WDPCP: variants seen among roughly 807,000 people sequenced by gnomAD.
WDPCP encodes WD repeat containing planar cell polarity effector.
A neutral mutation model predicts 93.1 loss-of-function variants in WDPCP; 71 were observed. The ratio of observed to expected loss-of-function variants is 0.76; its 90% CI spans 0.63 to 0.93. The LOEUF (loss-of-function observed/expected upper bound fraction) is 0.93, where lower values mean the gene tolerates loss of function less well. Ranked by LOEUF, WDPCP falls within the 40% of genes least tolerant of loss-of-function variation. The pLI is 0.00. For missense variants in WDPCP, 844 were observed against 887.4 expected (o/e 0.95, Z 0.62); for synonymous variants, 315 against 315.0 (o/e 1.00, Z 0.00).
intron 12 of WDPCP, among the ~76,000 whole-genome samples, chr2:63,336,151 C>T (rs1198288068): frequency 1.3e-5 from 2 of 152,144 alleles, no homozygotes; most frequent in Non-Finnish European, 2.9e-5. Context: ...TTTAAATAAA[C>T]TTGCTTTTAC....
At chr2:63,606,770 G>T in intron 3 of WDPCP, 2 of 852,882 alleles carry the variant, frequency 2.3e-6, no homozygotes, top group Non-Finnish European at 1.7e-6. Flanking sequence ...ACTTTAAAAC[G>T]ATATACCTCT....
rs966108623 is a variant in WDPCP at position 63,506,440 on chromosome 2, GA to G, written c.76-13501del. Reference sequence around the variant, plus strand: ...AAACTCTCACAAAAATGATAAAGGAGAAAAAAAAAAGGCAAAGGAACTAGTG... The same window carrying G: ...AAACTCTCACAAAAATGATAAAGGAGAAAAAAAAAGGCAAAGGAACTAGTG... On this transcript the variant is annotated intron_variant, in intron 1 of 17. Coordinates refer to ENST00000272321, the MANE Select transcript of WDPCP (RefSeq NM_015910.7). Among the ~76,000 whole-genome samples, 121 of 142,030 alleles carry G rather than the reference GA, an allele frequency of 8.5e-4. 1 individual carries two copies. Among genetic ancestry groups the G allele is most frequent in the South Asian group, 4.0e-3 (18 of 4,458 alleles). 93.2% of individuals were successfully genotyped at this position (142,030 alleles called of 152,430 possible). A position where few individuals can be genotyped will look rare whatever the true frequency, so the allele number is the denominator to read the frequency against.
intron 1 of WDPCP, among the ~76,000 whole-genome samples, chr2:63,540,839 A>G (rs990798296): frequency 2.0e-5 from 3 of 151,328 alleles, no homozygotes; most frequent in Non-Finnish European, 4.4e-5. Context: ...CTGCAGCCAC[A>G]ACTTCTCAGG....
At chr2:63,176,628 G>A (rs1402350432) in intron 14 of WDPCP, among the ~76,000 whole-genome samples, 1 of 152,106 alleles carries the variant, frequency 6.6e-6, no homozygotes, top group Admixed American at 6.6e-5. Flanking sequence ...TAGGAGCTCT[G>A]TATGTAGTCT....
chr2:63,404,708 A>G (rs1575345129), intron 9 of WDPCP, 51 bp from the exon 10 acceptor site: 3 of 1,605,850 alleles, frequency 1.9e-6, no homozygotes, highest in Admixed American at 1.7e-5. Flanking sequence ...TTTTTCTTCA[A>G]CTTCACACCT....
At chr2:63,430,552 A>G (rs1440275250) in intron 9 of WDPCP, among the ~76,000 whole-genome samples, 2 of 152,158 alleles carry the variant, frequency 1.3e-5, no homozygotes, top group Non-Finnish European at 1.5e-5. Flanking sequence ...TTTTTCTTAG[A>G]CTACATAATT....
At chr2:63,630,347 G>C (rs536133836) in intron 3 of WDPCP, among the ~76,000 whole-genome samples, 1 of 151,870 alleles carries the variant, frequency 6.6e-6, no homozygotes, top group East Asian at 1.9e-4. Flanking sequence ...ATTGAAAGAA[G>C]GGATTTAAAA....
chr2:63,745,114 T>C (rs1421673412), intron 2 of WDPCP, among the ~76,000 whole-genome samples: 2 of 151,672 alleles, frequency 1.3e-5, no homozygotes, highest in Non-Finnish European at 1.5e-5. Flanking sequence ...ACAAGGTATA[T>C]ATTTATGTTA....
In WDPCP at chr2:63,566,346, A is replaced by G. The variant is rs1707054055; in HGVS notation, c.75+21851T>C. 1.3e-5 allele frequency among the ~76,000 whole-genome samples: 2 copies of G among 152,162 alleles called. 1 individual carries two copies. Among genetic ancestry groups the G allele is most frequent in the South Asian group, 4.1e-4 (2 of 4,824 alleles). ...GAATGTAACCATTTGTGTCTCACCT[A>G]TCTGTGACCTGGAAGCTCTCCCCAC... On this transcript the variant is annotated intron_variant, in intron 1 of 17. Coordinates refer to ENST00000272321, the MANE Select transcript of WDPCP (RefSeq NM_015910.7).
intron 8 of WDPCP, among the ~76,000 whole-genome samples, chr2:63,436,192 G>A (rs887280164): frequency 3.9e-5 from 6 of 152,034 alleles, no homozygotes; most frequent in Non-Finnish European, 8.8e-5. Flanking sequence ...TCTGAAGTTA[G>A]CCATTCTAGA....
chr2:63,478,322 C>T (rs550935363), intron 6 of WDPCP, among the ~76,000 whole-genome samples: 5 of 152,012 alleles, frequency 3.3e-5, no homozygotes, highest in Admixed American at 2.6e-4. Context: ...TTAAGCTATA[C>T]CCTAGAAAAA....
intron 14 of WDPCP, among the ~76,000 whole-genome samples, chr2:63,190,029 G>A (rs1046294703): frequency 3.3e-5 from 5 of 152,050 alleles, no homozygotes; most frequent in African/African-American, 4.8e-5. Flanking sequence ...CTGATTGGGG[G>A]ATATAAAGAT....
At chr2:63,719,449 G>T (rs1452568680) in intron 2 of WDPCP, among the ~76,000 whole-genome samples, 4 of 152,146 alleles carry the variant, frequency 2.6e-5, no homozygotes, top group Non-Finnish European at 5.9e-5. Context: ...AAAAGAGGCT[G>T]GTAGAGAAAG....
chr2:63,769,326 A>G (rs1035392929), intron 2 of WDPCP, among the ~76,000 whole-genome samples: 1 of 152,004 alleles, frequency 6.6e-6, no homozygotes, highest in Non-Finnish European at 1.5e-5. Flanking sequence ...TGGGTAGGAA[A>G]TTCCAATAAC....
At chr2:63,582,346 C>T (rs1272508136) in intron 1 of WDPCP, among the ~76,000 whole-genome samples, 1 of 152,026 alleles carries the variant, frequency 6.6e-6, no homozygotes. Context: ...AACCTAGCAA[C>T]AGAAACTTTA....
intron 17 of WDPCP, among the ~76,000 whole-genome samples, chr2:63,148,732 G>C (rs537358515): frequency 6.6e-6 from 1 of 152,164 alleles, no homozygotes; most frequent in Non-Finnish European, 1.5e-5. Flanking sequence ...AGAAGAAATG[G>C]AGAAATAGTA....
At chr2:63,469,307 A>G (rs1699549881) in intron 6 of WDPCP, among the ~76,000 whole-genome samples, 3 of 152,250 alleles carry the variant, frequency 2.0e-5, no homozygotes, top group Admixed American at 2.0e-4. Context: ...TCAAAGTCCT[A>G]AAGTCAGAAA....
At chr2:63,721,540 AAT>A (rs1669413658) in intron 2 of WDPCP, among the ~76,000 whole-genome samples, 2 of 152,180 alleles carry the variant, frequency 1.3e-5, no homozygotes, top group African/African-American at 4.8e-5. Flanking sequence ...TTTTTAAAAA[AAT>A]ATAAATAAAT....
Position 63,690,093 on chromosome 2 carries a change from G to C in WDPCP, n.309-39255C>G, listed in dbSNP as rs1668868617. 3.3e-5 allele frequency among the ~76,000 whole-genome samples: 5 copies of C among 152,200 alleles called. No individual in the cohort carries two copies. The South Asian group carries it at 8.3e-4, about 25-fold the overall frequency. ...CATGAGGAGAAACCAGACAACTCCA[G>C]CTAAGTGGACCCATGCACAAAGGAC... On this transcript the variant is annotated intron_variant and non_coding_transcript_variant, in intron 2 of 4. Transcript: ENST00000467687.
Sources: allele counts gnomAD v4.1 joint callset (sites outside exome capture counted in the v4.1 genomes callset), GRCh38; gene constraint gnomAD v4.1.1; transcripts MANE v1.5; gene names NCBI Gene and HGNC (gene_info 2026-07-23, HGNC 2026-07-21).